Variants in ISLR2 observed in about 807,000 individuals in gnomAD.
ISLR2 encodes immunoglobulin superfamily containing leucine rich repeat 2.
Under a neutral mutation model 25.5 loss-of-function variants are expected in ISLR2, and 16 were observed. That is an observed-to-expected ratio of 0.63 (90% CI 0.43 to 0.95). The LOEUF is 0.95. Ranked by LOEUF, ISLR2 falls within the 40% of genes least tolerant of loss-of-function variation. ISLR2 has a pLI of 0.00. For missense variants in ISLR2, 883 were observed against 1,030.7 expected (o/e 0.86, Z 1.96); for synonymous variants, 508 against 486.6 (o/e 1.04, Z -0.58).
intron 2 of ISLR2, among the ~76,000 whole-genome samples, chr15:74,113,145 G>A (rs927070793): frequency 6.6e-6 from 1 of 152,218 alleles, no homozygotes; most frequent in Non-Finnish European, 1.5e-5. Flanking sequence ...TAGGGTTCAC[G>A]CTTCTATGAG....
chr15:74,118,287 G>T (rs1455083132), intron 2 of ISLR2, among the ~76,000 whole-genome samples: 4 of 152,122 alleles, frequency 2.6e-5, no homozygotes, highest in Non-Finnish European at 5.9e-5. Context: ...TAGGGTGTGG[G>T]TCACAGAGAT....
upstream of ISLR2, chr15:74,127,035 C>T (rs1246515991): frequency 6.6e-6 from 1 of 151,678 alleles, no homozygotes. Flanking sequence ...GGAAGGTCTC[C>T]GCAGCCTTAA....
downstream of ISLR2, among the ~76,000 whole-genome samples, chr15:74,139,344 T>C (rs2072598617): frequency 6.6e-6 from 1 of 152,254 alleles, no homozygotes; most frequent in Non-Finnish European, 1.5e-5. Flanking sequence ...CCCCAGCCTC[T>C]GGCCTTCCTT....
At position 74,133,737 on chromosome 15, in the gene ISLR2, C is replaced by T; in HGVS notation, c.983C>T (p.Ala328Val). The change falls in exon 3 of 3, where the codon GCC becomes GTC. Residue 328 changes from alanine to valine, a missense_variant. Physicochemically the swap from Ala to Val is moderately conservative, Grantham distance 64 (BLOSUM62 0). Around this residue, in one of 2 missense-constraint regions of ISLR2, gnomAD observed 612 missense variants for 642.8 expected, o/e 0.95. Transcript: ENST00000453268. ...GCACCCGCTTGGCCGGCGCCCCCAG[C>T]CACACCGCGCTTCCTGGCCCTCGCA... is the stretch of plus-strand genomic sequence containing the variant. ...TPAPAWPAPP[A>V]TPRFLALANG... 6.2e-7 allele frequency: 1 copy of T among 1,611,980 alleles called. No individual in the cohort carries two copies. The highest frequency in any genetic ancestry group is 1.1e-5 in the South Asian group (1 of 90,652).
At chr15:74,113,118 A>G (rs2072182671) in intron 2 of ISLR2, among the ~76,000 whole-genome samples, 1 of 152,224 alleles carries the variant, frequency 6.6e-6, no homozygotes, top group Non-Finnish European at 1.5e-5. Context: ...TAGATTCCTC[A>G]CATGTGCAGT....
chr15:74,107,879 T>C (rs1309240248), intron 2 of ISLR2, among the ~76,000 whole-genome samples: 1 of 152,060 alleles, frequency 6.6e-6, no homozygotes, highest in Non-Finnish European at 1.5e-5. Flanking sequence ...GCTCTCCAGG[T>C]ACACCTGGGC....
intron 2 of ISLR2, 116 bp downstream of exon 2, chr15:74,131,432 G>C (rs568475529): frequency 1.3e-5 from 2 of 152,854 alleles, no homozygotes; most frequent in Middle Eastern, 3.4e-3. Flanking sequence ...CGGGAAGGGA[G>C]GGAAGGGACC....
rs1487268578 is a variant in ISLR2 at position 74,134,436 on chromosome 15, G to A, written c.1682G>A (p.Gly561Asp). 1.2e-6 allele frequency: 2 copies of A among 1,612,204 alleles called. No homozygotes were observed. The highest frequency in any genetic ancestry group is 1.7e-6 in the Non-Finnish European group (2 of 1,179,780). ...NAYWFRGLRPGTNYSVCLALA... is the reference protein window; with the variant it reads ...NAYWFRGLRPDTNYSVCLALA... ...TACTGGTTCCGCGGCCTGCGGCCGG[G>A]TACCAACTACTCCGTGTGCCTGGCG... The change falls in exon 3 of 3, where the codon GGT becomes GAT. Residue 561 changes from glycine to aspartate, a missense_variant. This residue lies in a region of ISLR2 where 612 missense variants were observed against 642.8 expected (regional missense o/e 0.95). Coordinates refer to ENST00000453268, the MANE Select transcript of ISLR2 (RefSeq NM_020851.3).
rs745721934 is a variant in ISLR2 at position 74,134,717 on chromosome 15, G to A, written c.1963G>A (p.Glu655Lys). 6 of 1,614,012 alleles carry A rather than the reference G, an allele frequency of 3.7e-6. No individual in the cohort carries two copies. The African/African-American group carries it at 6.7e-5, about 18-fold the overall frequency. The stretch of plus-strand genomic sequence containing the variant: ...CCCGCGTGCTTCGTACCTCGAGTCC[G>A]AGAAAAGCTACCCGGCAGGCGGCGA... ...FDPRASYLESEKSYPAGGEAG... is the reference protein window; with the variant it reads ...FDPRASYLESKKSYPAGGEAG... The change falls in exon 3 of 3, where the codon GAG becomes AAG. Residue 655 changes from glutamate (E) to lysine (K), a missense_variant. Coordinates refer to ENST00000453268, the MANE Select transcript of ISLR2 (RefSeq NM_020851.3).
chr15:74,125,412 A>T (rs1049518593), upstream of ISLR2, among the ~76,000 whole-genome samples: 5 of 151,666 alleles, frequency 3.3e-5, no homozygotes, highest in Non-Finnish European at 5.9e-5. Context: ...CAACTAATTT[A>T]AAAAAAATGT....
At chr15:74,129,059 C>G (rs1490364798), upstream of ISLR2, 1 of 456,526 alleles carries the variant, frequency 2.2e-6, no homozygotes, top group Non-Finnish European at 4.4e-6. The surrounding 1 kb of genome is among the most constrained non-coding windows in gnomAD (Gnocchi z 4.5). Context: ...TTCGAAGACA[C>G]CTTCCCTGAA....
upstream of ISLR2, chr15:74,126,404 G>C (rs2072297682): frequency 6.9e-6 from 1 of 144,034 alleles, no homozygotes; most frequent in African/African-American, 2.7e-5. Context: ...GCCCAGGCCG[G>C]AATGCAGTGG....
chr15:74,110,467 C>T (rs975025568), intron 2 of ISLR2, among the ~76,000 whole-genome samples: 3 of 152,124 alleles, frequency 2.0e-5, no homozygotes, highest in African/African-American at 7.2e-5. Flanking sequence ...CCAAATATCC[C>T]CCAATAGGTG....
At chr15:74,107,220 G>C (rs1209496969) in intron 2 of ISLR2, among the ~76,000 whole-genome samples, 1 of 152,184 alleles carries the variant, frequency 6.6e-6, no homozygotes, top group Non-Finnish European at 1.5e-5. Context: ...TCCACCTGCT[G>C]TCCACCAGGC....
Position 74,132,685 on chromosome 15 carries a change from G to C in ISLR2, c.-8-62G>C. On this transcript the variant is annotated intron_variant, in intron 2 of 2. Transcript: ENST00000453268. The surrounding 1 kb of genome is among the most constrained non-coding windows in gnomAD (Gnocchi z 4.3). ...GGCTTGCGGAGGCACAGCTTGATAG[G>C]GGAGGTAAGCTGGGGTTCAGTGAGT... 2 of 1,544,562 alleles carry C rather than the reference G, an allele frequency of 1.3e-6. No homozygotes were observed. The highest frequency in any genetic ancestry group is 1.7e-6 in the Non-Finnish European group (2 of 1,144,852).
intron 2 of ISLR2, among the ~76,000 whole-genome samples, chr15:74,108,919 GGT>G (rs1323303074): frequency 1.3e-5 from 2 of 152,134 alleles, no homozygotes; most frequent in Non-Finnish European, 2.9e-5. Flanking sequence ...CCAGGCCCAG[GGT>G]GTGACCTGGG....
upstream of ISLR2, among the ~76,000 whole-genome samples, chr15:74,125,498 C>A (rs914723186): frequency 3.3e-5 from 5 of 152,224 alleles, no homozygotes; most frequent in Non-Finnish European, 7.3e-5. Flanking sequence ...TCTTGGCATC[C>A]CAAAGTGCTG....
Position 74,133,183 on chromosome 15 carries a change from C to A in ISLR2, c.429C>A (p.Leu143=). The A allele has an allele frequency of 1.2e-6, 2 of 1,613,186 alleles. No homozygotes were observed. Among genetic ancestry groups the A allele is most frequent in the Non-Finnish European group, 1.7e-6 (2 of 1,179,984 alleles). ...TGGGCTCTCTGCCCCGGGACGCACT[C>A]GGTGCGCTACCCGACCTGCGTTCCC... ...NRLGSLPRDA[L]GALPDLRSLR... The change falls in exon 3 of 3, where the codon CTC becomes CTA. Residue 143 remains leucine, a synonymous_variant. Transcript: ENST00000453268.
intron 2 of ISLR2, among the ~76,000 whole-genome samples, chr15:74,108,471 G>A (rs1212712526): frequency 6.6e-6 from 1 of 151,962 alleles, no homozygotes; most frequent in East Asian, 1.9e-4. Context: ...CAGCACTGCC[G>A]CCCCCAGACC....
Sources: allele counts gnomAD v4.1 joint callset (sites outside exome capture counted in the v4.1 genomes callset), GRCh38; gene constraint gnomAD v4.1.1; regional missense constraint gnomAD v4.1.1; non-coding constraint Gnocchi (gnomAD v3.1); transcripts MANE v1.5; gene names NCBI Gene and HGNC (gene_info 2026-07-23, HGNC 2026-07-21).